TMEM132D: variants seen among roughly 807,000 people sequenced by gnomAD.
The protein encoded by TMEM132D is mature OL transmembrane protein.
A neutral mutation model predicts 62.3 loss-of-function variants in TMEM132D; 21 were observed. That is an observed-to-expected ratio of 0.34 (90% CI 0.24 to 0.49). TMEM132D has a LOEUF of 0.49. Ranked by LOEUF, TMEM132D falls within the 20% of genes least tolerant of loss-of-function variation. The pLI, the probability that TMEM132D is intolerant of heterozygous loss-of-function variation, is 0.99. For missense variants in TMEM132D, 1,346 were observed against 1,402.8 expected (o/e 0.96, Z 0.65); for synonymous variants, 621 against 575.6 (o/e 1.08, Z -1.13).
chr12:129,209,851 C>T (rs997179759), intron 4 of TMEM132D, 188 bp from the exon 5 acceptor site: 9 of 698,312 alleles, frequency 1.3e-5, no homozygotes, highest in Non-Finnish European at 2.1e-5. Context: ...TGTCCTCACC[C>T]AGATTTCCAC....
chr12:129,870,836 A>T (rs1480182518), intron 1 of TMEM132D, among the ~76,000 whole-genome samples: 1 of 152,066 alleles, frequency 6.6e-6, no homozygotes, highest in African/African-American at 2.4e-5. Flanking sequence ...CTCGCCCCCT[A>T]CAGCTGGCAT....
chr12:129,711,814 CATTAT>C (rs1294371518), intron 1 of TMEM132D, among the ~76,000 whole-genome samples: 1 of 145,548 alleles, frequency 6.9e-6, no homozygotes. Context: ...TATATATTTA[CATTAT>C]ATATTATATA....
chr12:129,248,623 A>G (rs991823217), intron 4 of TMEM132D, among the ~76,000 whole-genome samples: 3 of 152,000 alleles, frequency 2.0e-5, no homozygotes. Flanking sequence ...GACTTGGGTC[A>G]TGGGGGTTTG....
intron 5 of TMEM132D, among the ~76,000 whole-genome samples, chr12:129,131,936 C>T (rs1382105221): frequency 6.6e-6 from 1 of 152,076 alleles, no homozygotes; most frequent in Non-Finnish European, 1.5e-5. Flanking sequence ...ACAGGGTAAA[C>T]TTTTAGATAG....
intron 1 of TMEM132D, among the ~76,000 whole-genome samples, chr12:129,789,414 ATACT>A (rs1593162446): frequency 6.6e-6 from 1 of 152,232 alleles, no homozygotes; most frequent in East Asian, 1.9e-4. Flanking sequence ...TGTGAAAAAG[ATACT>A]TACACACGCA....
intron 1 of TMEM132D, among the ~76,000 whole-genome samples, chr12:129,753,492 C>G (rs576006145): frequency 2.0e-5 from 3 of 152,156 alleles, no homozygotes; most frequent in Admixed American, 2.0e-4. Context: ...CCAGGAAAAA[C>G]GCTGCAGCCC....
chr12:129,194,340 C>A (rs1321330184), intron 5 of TMEM132D, among the ~76,000 whole-genome samples: 1 of 152,192 alleles, frequency 6.6e-6, no homozygotes, highest in Non-Finnish European at 1.5e-5. Flanking sequence ...GAATACAATC[C>A]TAAACATTAC....
At chr12:129,216,585 G>C (rs541683021) in intron 4 of TMEM132D, among the ~76,000 whole-genome samples, 61 of 152,302 alleles carry the variant, frequency 4.0e-4, no homozygotes, top group African/African-American at 1.4e-3. Context: ...AGCCTCCAGA[G>C]GGAGCATGGC....
intron 3 of TMEM132D, among the ~76,000 whole-genome samples, chr12:129,372,871 T>C (rs1471276722): frequency 6.6e-6 from 1 of 152,160 alleles, no homozygotes; most frequent in African/African-American, 2.4e-5. Flanking sequence ...ATAAAGGTAA[T>C]GTGCTTGAAT....
chr12:129,756,188 T>C (rs1473173761), intron 1 of TMEM132D, among the ~76,000 whole-genome samples: 2 of 152,134 alleles, frequency 1.3e-5, no homozygotes, highest in African/African-American at 4.8e-5. Flanking sequence ...AATGTGTAGG[T>C]TCCGGGGGTC....
At position 129,457,915 on chromosome 12, in the gene TMEM132D, C is replaced by T. The variant is rs192554200; in HGVS notation, c.1115+73144G>A. ...TTGACATGAGATTGGGGTGGGGACACGGATCCAAACCATATCAGGCATGGA... is the reference window on the plus strand; with the variant it reads ...TTGACATGAGATTGGGGTGGGGACATGGATCCAAACCATATCAGGCATGGA... On this transcript the variant is annotated intron_variant, in intron 3 of 8. Coordinates refer to ENST00000422113, the MANE Select transcript of TMEM132D (RefSeq NM_133448.3). Among the ~76,000 whole-genome samples the T allele has an allele frequency of 5.3e-4, 80 of 152,268 alleles. 1 individual carries two copies. The East Asian group carries it at 0.015, about 28-fold the overall frequency.
At chr12:129,792,839 C>T (rs1871440801) in intron 1 of TMEM132D, among the ~76,000 whole-genome samples, 1 of 152,000 alleles carries the variant, frequency 6.6e-6, no homozygotes, top group South Asian at 2.1e-4. Flanking sequence ...TCTGACTACA[C>T]CTATAACTAT....
intron 3 of TMEM132D, among the ~76,000 whole-genome samples, chr12:129,339,294 AAGAT>A (rs1396875405): frequency 2.6e-5 from 4 of 151,264 alleles, no homozygotes; most frequent in South Asian, 2.1e-4. Flanking sequence ...AAGAAAAAGA[AAGAT>A]AGAAGAGGAG....
chr12:129,818,125 G>A (rs1236072358), intron 1 of TMEM132D, among the ~76,000 whole-genome samples: 1 of 142,148 alleles, frequency 7.0e-6, no homozygotes, highest in African/African-American at 2.7e-5. Flanking sequence ...TCTGTATGTG[G>A]TTTGGGTTGT....
intron 8 of TMEM132D, among the ~76,000 whole-genome samples, chr12:129,077,905 C>T (rs1383452623): frequency 2.6e-5 from 4 of 152,062 alleles, no homozygotes; most frequent in African/African-American, 7.2e-5. Context: ...CATATATGTA[C>T]ACAACACATA....
chr12:129,859,173 G>C (rs563291832), intron 1 of TMEM132D, among the ~76,000 whole-genome samples: 2 of 152,200 alleles, frequency 1.3e-5, no homozygotes, highest in South Asian at 4.1e-4. Flanking sequence ...CCAGAAACCA[G>C]GTTCCCAGCA....
Position 129,482,945 on chromosome 12 carries a change from C to CTGTG in TMEM132D, c.1115+48110_1115+48113dup, listed in dbSNP as rs59346043. On this transcript the variant is annotated intron_variant, in intron 3 of 8. Transcript: ENST00000422113. ...TTTTATCTCTGAGAACATATTTAATCTGTGTGTGTGTGTGTGTGTGTGTGT... is the reference window on the plus strand; with the variant it reads ...TTTTATCTCTGAGAACATATTTAATCTGTGTGTGTGTGTGTGTGTGTGTGTGTGT... 9.8e-4 allele frequency among the ~76,000 whole-genome samples: 141 copies of CTGTG among 144,290 alleles called. 1 individual carries two copies. Among genetic ancestry groups the CTGTG allele is most frequent in the Middle Eastern group, 3.4e-3 (1 of 290 alleles). 94.7% of individuals were successfully genotyped at this position (144,290 alleles called of 152,430 possible). A position where few individuals can be genotyped will look rare whatever the true frequency, so the allele number is the denominator to read the frequency against.
intron 2 of TMEM132D, among the ~76,000 whole-genome samples, chr12:129,620,136 C>G (rs1052698676): frequency 6.6e-6 from 1 of 152,222 alleles, no homozygotes; most frequent in Non-Finnish European, 1.5e-5. Flanking sequence ...AGTCCAAAAG[C>G]AGGCTGAAGC....
intron 4 of TMEM132D, among the ~76,000 whole-genome samples, chr12:129,312,655 C>T (rs1288909588): frequency 1.3e-5 from 2 of 152,048 alleles, no homozygotes; most frequent in Non-Finnish European, 1.5e-5. Flanking sequence ...CTGCAAGCTC[C>T]GCCTCCCGGG....
Sources: allele counts gnomAD v4.1 joint callset (sites outside exome capture counted in the v4.1 genomes callset), GRCh38; gene constraint gnomAD v4.1.1; transcripts MANE v1.5; gene names NCBI Gene and HGNC (gene_info 2026-07-23, HGNC 2026-07-21).